Variants in HMGXB3 observed in about 807,000 individuals in gnomAD.
HMGXB3 encodes HMG domain-containing protein 3.
HMGXB3 carries 45 observed loss-of-function variants against 121.5 expected under a neutral mutation model. The ratio of observed to expected loss-of-function variants is 0.37; its 90% CI spans 0.29 to 0.47. HMGXB3 has a LOEUF of 0.47. Among genes scored for constraint, HMGXB3 ranks in the 20% least tolerant of loss-of-function variants. HMGXB3 has a pLI of 0.99. For synonymous variants in HMGXB3, 590 were observed against 624.1 expected (o/e 0.95, Z 0.81); for missense variants, 1,376 against 1,602.2 (o/e 0.86, Z 2.41).
chr5:150,051,459 C>G (rs1044265764), intron 19 of HMGXB3, among the ~76,000 whole-genome samples: 3 of 152,200 alleles, frequency 2.0e-5, no homozygotes, highest in Non-Finnish European at 2.9e-5. Context: ...TCTTTCTGCT[C>G]CCCTGCAGCC....
At chr5:150,032,426 G>C in intron 10 of HMGXB3, 28 bp from the exon 11 acceptor site, 2 of 1,545,418 alleles carry the variant, frequency 1.3e-6, no homozygotes, top group Non-Finnish European at 1.8e-6. Context: ...AATTTTTGTA[G>C]AATTGAACAC....
chr5:150,018,717 G>T lies in HMGXB3; in HGVS notation c.1041+20G>T. ...CCAAAGGTAAGGTCCATTGGCTGTT[G>T]CTGCTTTGGAAGCCTCACAGAATAG... On this transcript the variant is annotated intron_variant, in intron 6 of 19. Coordinates refer to ENST00000502717, the MANE Select transcript of HMGXB3 (RefSeq NM_014983.3). 6.5e-7 allele frequency: 1 copy of T among 1,540,128 alleles called. No individual in the cohort carries two copies.
chr5:150,048,388 C>G (rs1169230305), intron 17 of HMGXB3, among the ~76,000 whole-genome samples, 181 bp from the exon 18 acceptor site: 1 of 116,708 alleles, frequency 8.6e-6, no homozygotes, highest in Non-Finnish European at 1.6e-5. Context: ...CTAATCCTTT[C>G]AGGGCCTCCG....
intron 6 of HMGXB3, among the ~76,000 whole-genome samples, chr5:150,020,864 C>T (rs768595402): frequency 5.3e-5 from 8 of 151,846 alleles, no homozygotes; most frequent in Non-Finnish European, 8.8e-5. Flanking sequence ...CTCAGCCTCC[C>T]GAGTAGCTGG....
chr5:150,034,579 T>C (rs551980231), intron 11 of HMGXB3, among the ~76,000 whole-genome samples: 2 of 152,292 alleles, frequency 1.3e-5, no homozygotes, highest in East Asian at 1.9e-4. Context: ...CTTAAACTTA[T>C]ATCCATCTGT....
chr5:150,007,500 G>A (rs1004409526), intron 3 of HMGXB3, among the ~76,000 whole-genome samples: 6 of 152,146 alleles, frequency 3.9e-5, no homozygotes, highest in African/African-American at 1.4e-4. Flanking sequence ...CAACAACTAC[G>A]TTATAGCAGA....
At chr5:150,047,987 A>T (rs1756799714) in intron 17 of HMGXB3, among the ~76,000 whole-genome samples, 1 of 152,222 alleles carries the variant, frequency 6.6e-6, no homozygotes, top group Admixed American at 6.5e-5. Context: ...GGGGTCAGGA[A>T]TCCTGGCTCT....
intron 15 of HMGXB3, among the ~76,000 whole-genome samples, chr5:150,043,943 C>T (rs933766567): frequency 2.0e-5 from 3 of 152,184 alleles, no homozygotes; most frequent in Non-Finnish European, 2.9e-5. Context: ...TCATATCTGG[C>T]CACAGCAAGT....
intron 4 of HMGXB3, among the ~76,000 whole-genome samples, 198 bp from the exon 5 acceptor site, chr5:150,012,057 G>T (rs1179325460): frequency 6.6e-6 from 1 of 152,192 alleles, no homozygotes; most frequent in Non-Finnish European, 1.5e-5. Flanking sequence ...AATAAACATA[G>T]CACACTTCCT....
intron 6 of HMGXB3, chr5:150,021,935 T>C: frequency 2.1e-6 from 1 of 477,944 alleles, no homozygotes. Context: ...TGCAGCGGGC[T>C]TCCTGACCGA....
rs1756617602 is a variant in HMGXB3 at position 150,040,938 on chromosome 5, G to A, written c.2545+59G>A. 24 of 1,431,560 alleles carry A rather than the reference G, an allele frequency of 1.7e-5. No homozygotes were observed. The South Asian group carries it at 2.3e-4, about 14-fold the overall frequency. 88.7% of individuals were successfully genotyped at this position (1,431,560 alleles called of 1,614,324 possible). A position where few individuals can be genotyped will look rare whatever the true frequency, so the allele number is the denominator to read the frequency against. ...GTCCTAAGCTCCCTCGGAATTTTCAGTGATGGCATTTGGTTAAAAGACTCA... is the reference window on the plus strand; with the variant it reads ...GTCCTAAGCTCCCTCGGAATTTTCAATGATGGCATTTGGTTAAAAGACTCA... On this transcript the variant is annotated intron_variant, in intron 14 of 19. Transcript: ENST00000502717.
At position 150,048,766 on chromosome 5, in the gene HMGXB3, T is replaced by TG. The variant is rs1561889385; in HGVS notation, c.3201+87dup. ...TACAGGGACTGATCCAGCTCAGTTTTGGGGGGCTAGACTTAGGTCACTGGG... is the reference window on the plus strand; with the variant it reads ...TACAGGGACTGATCCAGCTCAGTTTTGGGGGGGCTAGACTTAGGTCACTGGG... On this transcript the variant is annotated intron_variant, in intron 18 of 19. Transcript: ENST00000502717. The TG allele has an allele frequency of 3.7e-6, 4 of 1,078,542 alleles. No individual in the cohort carries two copies. The East Asian group carries it at 7.8e-5, about 21-fold the overall frequency. 66.8% of individuals were successfully genotyped at this position (1,078,542 alleles called of 1,614,324 possible).
intron 9 of HMGXB3, among the ~76,000 whole-genome samples, chr5:150,028,505 A>G (rs7707277): frequency 0.65 from 58,308 of 89,834 alleles, 17,464 homozygotes; most frequent in Non-Finnish European, 0.71. Context: ...ATATGTATGT[A>G]TGTGTGTGTG....
At chr5:150,016,951 T>C (rs528427908) in intron 5 of HMGXB3, among the ~76,000 whole-genome samples, 3 of 152,334 alleles carry the variant, frequency 2.0e-5, no homozygotes, top group Non-Finnish European at 4.4e-5. Context: ...CAGAGATCTC[T>C]ACTGAGATAA....
At chr5:150,014,880 C>A in intron 5 of HMGXB3, 1 of 669,844 alleles carries the variant, frequency 1.5e-6, no homozygotes, top group South Asian at 2.0e-5. Flanking sequence ...ATTTTCGGAG[C>A]TTCTGGAACC....
Position 150,016,277 on chromosome 5 carries a change from G to T in HMGXB3, c.910-2289G>T, listed in dbSNP as rs924352298. Reference sequence around the variant, plus strand: ...GATTGCTTGGGCCCAGTAGTTGGAGGATACAGTGAGCTGTGATCGTGCCAC... The same window carrying T: ...GATTGCTTGGGCCCAGTAGTTGGAGTATACAGTGAGCTGTGATCGTGCCAC... On this transcript the variant is annotated intron_variant, in intron 5 of 19. Transcript: ENST00000502717. 2.0e-5 allele frequency among the ~76,000 whole-genome samples: 3 copies of T among 149,156 alleles called. No individual in the cohort carries two copies. In the East Asian group the frequency reaches 6.0e-4, roughly 30 times the overall value.
chr5:150,045,265 T>G (rs1396601838), intron 15 of HMGXB3, among the ~76,000 whole-genome samples: 1 of 152,200 alleles, frequency 6.6e-6, no homozygotes, highest in Non-Finnish European at 1.5e-5. Context: ...GGGAGAGTAC[T>G]ATGGTGTGAG....
chr5:150,003,524 C>T lies in HMGXB3; in HGVS notation c.-2-1327C>T, dbSNP rs1454339089. On this transcript the variant is annotated intron_variant, in intron 1 of 19. Coordinates refer to ENST00000502717, the MANE Select transcript of HMGXB3 (RefSeq NM_014983.3). ...CTTTGGGAGGCTGAGGTAAGAGGAT[C>T]GCTTGAGCCCAGGAGTTCAAGACCA... 5.9e-5 allele frequency among the ~76,000 whole-genome samples: 9 copies of T among 151,814 alleles called. No individual in the cohort carries two copies. The South Asian group carries it at 1.3e-3, about 21-fold the overall frequency.
intron 6 of HMGXB3, among the ~76,000 whole-genome samples, chr5:150,022,542 G>C (rs751955156): frequency 3.9e-5 from 6 of 152,152 alleles, no homozygotes; most frequent in Non-Finnish European, 1.5e-5. Flanking sequence ...AGGTAGAGTT[G>C]TTTTGCTCAG....
Sources: gnomAD v4.1 joint callset for allele counts (sites outside exome capture counted in the v4.1 genomes callset) on GRCh38, gnomAD v4.1.1 for gene constraint, MANE v1.5 for transcripts, NCBI Gene and HGNC (gene_info 2026-07-23, HGNC 2026-07-21) for gene names.